TMTC2: variants seen among roughly 807,000 people sequenced by gnomAD.
TMTC2 encodes transmembrane O-mannosyltransferase targeting cadherins 2.
A neutral mutation model predicts 82.4 loss-of-function variants in TMTC2; 43 were observed. The observed-to-expected ratio is 0.52, with a 90% CI of 0.41 to 0.67. The LOEUF (loss-of-function observed/expected upper bound fraction) is 0.67, where lower values mean the gene tolerates loss of function less well. Among genes scored for constraint, TMTC2 ranks in the 30% least tolerant of loss-of-function variants. The pLI, the probability that TMTC2 is intolerant of heterozygous loss-of-function variation, is 0.00. For missense variants in TMTC2, 919 were observed against 1,012.4 expected (o/e 0.91, Z 1.25); for synonymous variants, 408 against 381.9 (o/e 1.07, Z -0.80).
chr12:82,732,296 T>C (rs1874858308), intron 1 of TMTC2, among the ~76,000 whole-genome samples: 1 of 152,190 alleles, frequency 6.6e-6, no homozygotes, highest in African/African-American at 2.4e-5. Context: ...TTACTCTGGC[T>C]ACTGTTTCAT....
chr12:83,018,320 C>A (rs1488542413), intron 8 of TMTC2, among the ~76,000 whole-genome samples: 1 of 152,162 alleles, frequency 6.6e-6, no homozygotes, highest in Non-Finnish European at 1.5e-5. Context: ...TAAACTTCTG[C>A]AGTACAAGTG....
chr12:82,865,496 C>T (rs558428159), intron 2 of TMTC2, among the ~76,000 whole-genome samples: 107 of 152,244 alleles, frequency 7.0e-4, no homozygotes, highest in African/African-American at 2.5e-3. Flanking sequence ...TACAGGAGCA[C>T]CCAAATTCAT....
intron 2 of TMTC2, among the ~76,000 whole-genome samples, chr12:82,880,682 C>T (rs1204126680): frequency 1.3e-5 from 2 of 152,098 alleles, no homozygotes; most frequent in East Asian, 3.9e-4. Flanking sequence ...AAAAAATGAT[C>T]GACAGTTCAG....
chr12:82,983,098 A>G (rs1225215438), intron 7 of TMTC2, among the ~76,000 whole-genome samples: 1 of 152,082 alleles, frequency 6.6e-6, no homozygotes, highest in Non-Finnish European at 1.5e-5. Flanking sequence ...AAATTTCTAC[A>G]TGCCCAAATG....
intron 1 of TMTC2, among the ~76,000 whole-genome samples, chr12:82,811,832 T>TTTG (rs1411765622): frequency 3.0e-5 from 4 of 133,956 alleles, no homozygotes; most frequent in African/African-American, 1.1e-4. Context: ...TTTTTTTTTT[T>TTTG]TCTGAGATGG....
chr12:83,042,351 C>T (rs1253869902), intron 9 of TMTC2, among the ~76,000 whole-genome samples: 1 of 152,100 alleles, frequency 6.6e-6, no homozygotes, highest in Non-Finnish European at 1.5e-5. Context: ...AAGAATGCAC[C>T]CCATTCTATA....
intron 1 of TMTC2, among the ~76,000 whole-genome samples, chr12:82,812,478 G>C (rs1245852083): frequency 6.6e-6 from 1 of 152,084 alleles, no homozygotes; most frequent in Admixed American, 6.5e-5. Context: ...AGTTTTTTGA[G>C]TGGAAGGGTT....
rs566736683 is a variant in TMTC2, at chr12:82,921,557, G to A, written c.1484-8874G>A. Reference sequence around the variant, plus strand: ...AGGCTGTCACAGTGCTGCAATGCAGGCCCTTGAGATGGAGCAGTAGCCCTT... The same window carrying A: ...AGGCTGTCACAGTGCTGCAATGCAGACCCTTGAGATGGAGCAGTAGCCCTT... On this transcript the variant is annotated intron_variant, in intron 3 of 11. Transcript: ENST00000321196. Among the ~76,000 whole-genome samples the A allele has an allele frequency of 1.5e-4, 23 of 152,148 alleles. No individual in the cohort carries two copies. In the South Asian group the frequency reaches 4.8e-3, roughly 32 times the overall value.
At chr12:82,928,165 T>A (rs1875828887) in intron 3 of TMTC2, among the ~76,000 whole-genome samples, 1 of 152,054 alleles carries the variant, frequency 6.6e-6, no homozygotes, top group Admixed American at 6.6e-5. Flanking sequence ...GTTTTTTTTT[T>A]AATCATCTAT....
At chr12:83,073,849 T>C (rs556783954) in intron 11 of TMTC2, among the ~76,000 whole-genome samples, 1 of 152,274 alleles carries the variant, frequency 6.6e-6, no homozygotes, top group Admixed American at 6.5e-5. Context: ...CTTTCTGCTG[T>C]TCTGTTTCCT....
intron 11 of TMTC2, among the ~76,000 whole-genome samples, chr12:83,080,587 A>G (rs1470771256): frequency 3.9e-5 from 6 of 152,188 alleles, no homozygotes; most frequent in Admixed American, 3.9e-4. Context: ...TGCCACAGCT[A>G]GTGGCAGAAA....
At chr12:82,785,170 G>A (rs1878117857) in intron 1 of TMTC2, among the ~76,000 whole-genome samples, 1 of 152,044 alleles carries the variant, frequency 6.6e-6, no homozygotes, top group African/African-American at 2.4e-5. Context: ...GGAAGCTGCT[G>A]GGAATCTCTT....
At chr12:82,937,609 T>C (rs961304816) in intron 4 of TMTC2, among the ~76,000 whole-genome samples, 1 of 151,566 alleles carries the variant, frequency 6.6e-6, no homozygotes, top group Non-Finnish European at 1.5e-5. Flanking sequence ...GTAAAAGAGA[T>C]AGGGCCCAGC....
At chr12:83,081,270 A>G (rs1883457880) in intron 11 of TMTC2, among the ~76,000 whole-genome samples, 3 of 152,214 alleles carry the variant, frequency 2.0e-5, no homozygotes, top group African/African-American at 7.2e-5. Flanking sequence ...TGCATGTAAC[A>G]TGTGATTACT....
At chr12:82,819,702 C>G (rs1868973542) in intron 1 of TMTC2, among the ~76,000 whole-genome samples, 1 of 151,758 alleles carries the variant, frequency 6.6e-6, no homozygotes, top group Non-Finnish European at 1.5e-5. Flanking sequence ...GGGGTTTCAC[C>G]ATGTTGGCCA....
chr12:83,024,567 C>A (rs1466511048), intron 8 of TMTC2, among the ~76,000 whole-genome samples: 4 of 152,194 alleles, frequency 2.6e-5, no homozygotes, highest in Admixed American at 1.3e-4. Context: ...GAACACACTA[C>A]TTAAGAGACT....
chr12:82,754,213 T>C (rs115378256), intron 1 of TMTC2, among the ~76,000 whole-genome samples: 172 of 152,284 alleles, frequency 1.1e-3, no homozygotes, highest in African/African-American at 3.8e-3. Context: ...TCTTAGTGGC[T>C]TCTAGAAATA....
At chr12:82,720,766 C>T (rs1221265474) in intron 1 of TMTC2, among the ~76,000 whole-genome samples, 1 of 152,134 alleles carries the variant, frequency 6.6e-6, no homozygotes, top group Non-Finnish European at 1.5e-5. Context: ...AATGCTATCT[C>T]GTTGTTTTAT....
At chr12:82,900,733 A>G (rs1873948251) in intron 3 of TMTC2, among the ~76,000 whole-genome samples, 1 of 141,680 alleles carries the variant, frequency 7.1e-6, no homozygotes, top group Admixed American at 7.4e-5. Context: ...ATAGGAATAT[A>G]TATCTCTGGA....
Sources: allele counts gnomAD v4.1 joint callset (sites outside exome capture counted in the v4.1 genomes callset), GRCh38; gene constraint gnomAD v4.1.1; transcripts MANE v1.5; gene names NCBI Gene and HGNC (gene_info 2026-07-23, HGNC 2026-07-21).